Variants in AK4 observed in about 807,000 individuals in gnomAD.
AK4 encodes the protein adenylate kinase 4, also known as adenylate kinase 4, mitochondrial.
In AK4, 13 loss-of-function variants were observed where a neutral mutation model predicts 24.6. That is an observed-to-expected ratio of 0.53 (90% CI 0.34 to 0.84). The LOEUF (loss-of-function observed/expected upper bound fraction) is 0.84. Among genes scored for constraint, AK4 ranks in the 40% least tolerant of loss-of-function variants. The probability of loss-of-function intolerance (pLI) is 0.01; values close to 1 mark genes in which losing one functional copy is unlikely to be tolerated. For missense variants in AK4, 192 were observed against 288.2 expected (o/e 0.67, Z 2.42); for synonymous variants, 88 against 107.0 (o/e 0.82, Z 1.10).
chr1:65,196,152 T>C (rs1310288051), intron 2 of AK4, among the ~76,000 whole-genome samples: 1 of 152,180 alleles, frequency 6.6e-6, no homozygotes, highest in Non-Finnish European at 1.5e-5. Flanking sequence ...CTCCTTATGT[T>C]ACACAGGCAC....
At position 65,193,732 on chromosome 1, in the gene AK4, A is replaced by C. The variant is rs142643154; in HGVS notation, c.265+2903A>C. Reference sequence around the variant, plus strand: ...ATGAAAAGTCAGTCCTCCATGTGCAAGGGTTTTGCATCCTGCAAATACTGT... The same window carrying C: ...ATGAAAAGTCAGTCCTCCATGTGCACGGGTTTTGCATCCTGCAAATACTGT... On this transcript the variant is annotated intron_variant, in intron 2 of 4. Transcript: ENST00000327299. Among the ~76,000 whole-genome samples, 690 of 152,324 alleles carry C rather than the reference A, an allele frequency of 4.5e-3. 5 individuals carry two copies. Among genetic ancestry groups the C allele is most frequent in the African/African-American group, 0.016 (660 of 41,572 alleles).
In AK4 at chr1:65,210,338, C is replaced by CT. The variant is rs76784251; in HGVS notation, c.266-8413dup. 5.5e-4 allele frequency among the ~76,000 whole-genome samples: 83 copies of CT among 152,252 alleles called. 1 individual carries two copies. The East Asian group carries it at 0.015, about 27-fold the overall frequency. On this transcript the variant is annotated intron_variant, in intron 2 of 4. Transcript: ENST00000327299. ...TGAGGCCAGTCACTTCCAACTCTGC[C>CT]TTTCATTTCTGAGAGGAAGGTAAGC... is the stretch of plus-strand genomic sequence containing the variant.
At chr1:65,149,391 C>G (rs762541594) in intron 1 of AK4, among the ~76,000 whole-genome samples, 16 of 152,180 alleles carry the variant, frequency 1.1e-4, no homozygotes, top group Non-Finnish European at 2.1e-4. Flanking sequence ...TCCCACTCCA[C>G]GTTCACACCA....
intron 2 of AK4, among the ~76,000 whole-genome samples, chr1:65,197,471 A>G (rs1651517042): frequency 6.6e-6 from 1 of 152,202 alleles, no homozygotes; most frequent in South Asian, 2.1e-4. Context: ...CTTTAGCACG[A>G]GAGTCATCAT....
At chr1:65,213,467 G>C (rs1652032554) in intron 2 of AK4, among the ~76,000 whole-genome samples, 1 of 152,052 alleles carries the variant, frequency 6.6e-6, no homozygotes, top group Non-Finnish European at 1.5e-5. Flanking sequence ...AGAGCACCAG[G>C]GACTCCCCAA....
At chr1:65,153,642 G>A (rs754543964) in intron 1 of AK4, among the ~76,000 whole-genome samples, 4 of 152,016 alleles carry the variant, frequency 2.6e-5, no homozygotes, top group Non-Finnish European at 5.9e-5. Context: ...AATATAAAAC[G>A]GTAGAAGAAA....
intron 3 of AK4, among the ~76,000 whole-genome samples, chr1:65,224,342 T>A (rs1652388619): frequency 6.6e-6 from 1 of 152,208 alleles, no homozygotes; most frequent in African/African-American, 2.4e-5. Context: ...TAAGCCAAGT[T>A]GTTTTTTTGA....
chr1:65,155,732 G>A lies in AK4; in HGVS notation c.145+7180G>A, dbSNP rs368169099. Among the ~76,000 whole-genome samples, 6 of 151,558 alleles carry A rather than the reference G, an allele frequency of 4.0e-5. No individual in the cohort carries two copies. The East Asian group carries it at 1.2e-3, about 30-fold the overall frequency. ...GGCTAGAGTGCAGTGGCGTGTTCTCGGCTCTTGGCTCGCTGCAACCTCCAC... is the reference window on the plus strand; with the variant it reads ...GGCTAGAGTGCAGTGGCGTGTTCTCAGCTCTTGGCTCGCTGCAACCTCCAC... On this transcript the variant is annotated intron_variant, in intron 1 of 4. Coordinates refer to ENST00000327299, the MANE Select transcript of AK4 (RefSeq NM_013410.4).
At chr1:65,186,715 C>T (rs536804068) in intron 1 of AK4, among the ~76,000 whole-genome samples, 2 of 152,112 alleles carry the variant, frequency 1.3e-5, no homozygotes, top group Non-Finnish European at 2.9e-5. Context: ...CTGGGCCTGG[C>T]GTGACTATTG....
At position 65,193,205 on chromosome 1, in the gene AK4, C is replaced by T. The variant is rs574332770; in HGVS notation, c.265+2376C>T. 1.2e-3 allele frequency among the ~76,000 whole-genome samples: 188 copies of T among 152,316 alleles called. 8 individuals carry two copies. The highest frequency in any genetic ancestry group is 1.2e-3 in the Non-Finnish European group (81 of 68,030). ...TGAAATCTAGGTGGAGGAAGCCATG[C>T]TCTGTAGGTCTTGCATTCTGTGAGA... On this transcript the variant is annotated intron_variant, in intron 2 of 4. Coordinates refer to ENST00000327299, the MANE Select transcript of AK4 (RefSeq NM_013410.4).
intron 1 of AK4, among the ~76,000 whole-genome samples, chr1:65,150,817 C>T (rs571013822): frequency 2.6e-5 from 4 of 152,276 alleles, no homozygotes; most frequent in Non-Finnish European, 5.9e-5. Flanking sequence ...TGGATTTGGG[C>T]ACACTCTTGT....
intron 3 of AK4, among the ~76,000 whole-genome samples, chr1:65,219,316 C>G (rs1652227506): frequency 6.6e-6 from 1 of 151,882 alleles, no homozygotes; most frequent in African/African-American, 2.4e-5. Context: ...CTTTTTAAAG[C>G]AACATAACAA....
chr1:65,202,468 TAA>T (rs1316797719), intron 2 of AK4, among the ~76,000 whole-genome samples: 1 of 152,214 alleles, frequency 6.6e-6, no homozygotes, highest in Non-Finnish European at 1.5e-5. Flanking sequence ...CATTTGACAT[TAA>T]ACTGTGGTTT....
intron 1 of AK4, among the ~76,000 whole-genome samples, chr1:65,171,735 G>T (rs1483430596): frequency 1.3e-5 from 2 of 151,958 alleles, no homozygotes; most frequent in East Asian, 3.9e-4. Context: ...TTTATCTGAA[G>T]ATTGTCATGT....
rs1486658277 is a variant in AK4, at chr1:65,190,849, A to G, written c.265+20A>G. On this transcript the variant is annotated intron_variant, in intron 2 of 4. Coordinates refer to ENST00000327299, the MANE Select transcript of AK4 (RefSeq NM_013410.4). ...TTGATGGTGAGTTGAAACTGTGGGT[A>G]AACCGAATTTCTGGGAATAGTCAGT... 1.2e-6 allele frequency: 2 copies of G among 1,611,466 alleles called. No homozygotes were observed. Among genetic ancestry groups the G allele is most frequent in the East Asian group, 2.2e-5 (1 of 44,858 alleles).
intron 2 of AK4, among the ~76,000 whole-genome samples, chr1:65,198,184 C>T (rs1651543773): frequency 6.6e-6 from 1 of 152,116 alleles, no homozygotes; most frequent in Non-Finnish European, 1.5e-5. Context: ...GATGTATATT[C>T]TGGTATCTTG....
chr1:65,155,890 G>A (rs1252415231), intron 1 of AK4, among the ~76,000 whole-genome samples: 1 of 152,072 alleles, frequency 6.6e-6, no homozygotes, highest in African/African-American at 2.4e-5. Context: ...GGCTGGTCTC[G>A]AACTCCTGAC....
intron 2 of AK4, among the ~76,000 whole-genome samples, chr1:65,191,913 G>GCAC (rs1651320157): frequency 6.6e-6 from 1 of 152,162 alleles, no homozygotes; most frequent in African/African-American, 2.4e-5. Flanking sequence ...TGGAAAGGAG[G>GCAC]CACCATTCAT....
At chr1:65,161,344 C>T (rs561080931) in intron 1 of AK4, among the ~76,000 whole-genome samples, 1 of 152,240 alleles carries the variant, frequency 6.6e-6, no homozygotes, top group Admixed American at 6.5e-5. Flanking sequence ...TGTTCTCTGT[C>T]TTTGAGGTAC....
Sources: gnomAD v4.1 joint callset for allele counts (sites outside exome capture counted in the v4.1 genomes callset) on GRCh38, gnomAD v4.1.1 for gene constraint, MANE v1.5 for transcripts, NCBI Gene and HGNC (gene_info 2026-07-23, HGNC 2026-07-21) for gene names.